The following THG1L variants were observed in gnomAD, a reference collection of about 807,000 sequenced individuals.
The protein encoded by THG1L is tRNA-histidine guanylyltransferase 1 like.
A neutral mutation model predicts 35.2 loss-of-function variants in THG1L; 27 were observed. The observed-to-expected ratio is 0.77, with a 90% CI of 0.57 to 1.06. The LOEUF (loss-of-function observed/expected upper bound fraction) is 1.06. Among genes scored for constraint, THG1L ranks in the 50% least tolerant of loss-of-function variants. The probability of loss-of-function intolerance (pLI) is 0.00; values close to 1 mark genes in which losing one functional copy is unlikely to be tolerated. For missense variants in THG1L, 377 were observed against 371.8 expected (o/e 1.01, Z -0.12); for synonymous variants, 135 against 132.4 (o/e 1.02, Z -0.14).
rs1365798942 is a variant in THG1L, at chr5:157,732,234, AAAAAAAAAAAGAGAG to A, written c.191+605_192-618del. Among the ~76,000 whole-genome samples the A allele has an allele frequency of 3.4e-5, 4 of 118,176 alleles. No homozygotes were observed. In the South Asian group the frequency reaches 7.5e-4, roughly 22 times the overall value. 77.5% of individuals were successfully genotyped at this position (118,176 alleles called of 152,430 possible). On this transcript the variant is annotated intron_variant, in intron 1 of 5. Transcript: ENST00000231198. The stretch of plus-strand genomic sequence containing the variant: ...CCACTACAAAAAAAAAAAAAAAAAA[AAAAAAAAAAAGAGAG>A]AGAGAGAGAGAAAGAAGGAAGAGAG...
At position 157,732,983 on chromosome 5, in the gene THG1L, C is replaced by T. The variant is rs1183485950; in HGVS notation, c.307C>T (p.Gln103Ter). Residue 103 changes from glutamine (Q) to a stop codon, truncating the protein, a stop_gained, in exon 2 of 6, where the codon CAG (glutamine) becomes TAG (stop). Coordinates refer to ENST00000231198, the MANE Select transcript of THG1L (RefSeq NM_017872.5). LOFTEE classifies it high-confidence loss of function. ...AGAGGATATTGTGATCGCGTATGGA[C>T]AGAGTGATGAGTACAGCTTTGTGTT... The part of the protein sequence containing the change: ...ELEDIVIAYG[Q>*]SDEYSFVFKR... 2 of 1,614,176 alleles carry T rather than the reference C, an allele frequency of 1.2e-6. No homozygotes were observed. Among genetic ancestry groups the T allele is most frequent in the Non-Finnish European group, 1.7e-6 (2 of 1,180,040 alleles).
rs575617808 is a variant in THG1L at position 157,738,011 on chromosome 5, C to G, written c.735+17C>G. On this transcript the variant is annotated intron_variant, in intron 5 of 5. Coordinates refer to ENST00000231198, the MANE Select transcript of THG1L (RefSeq NM_017872.5). ...TGGCAGAAGGTAATGCTGTTATGTT[C>G]AAAGAAAAATGGAAGTCAGGAAAAA... is the stretch of plus-strand genomic sequence containing the variant. 2.5e-6 allele frequency: 4 copies of G among 1,591,026 alleles called. No individual in the cohort carries two copies. The South Asian group carries it at 4.5e-5, about 18-fold the overall frequency.
intron 1 of THG1L, among the ~76,000 whole-genome samples, chr5:157,731,909 T>G (rs1312617912): frequency 6.6e-6 from 1 of 152,196 alleles, no homozygotes; most frequent in Non-Finnish European, 1.5e-5. Flanking sequence ...AGCAAGGACC[T>G]GTTGTTAAAA....
chr5:157,733,697 G>T (rs1474612706), intron 2 of THG1L, among the ~76,000 whole-genome samples: 1 of 152,084 alleles, frequency 6.6e-6, no homozygotes, highest in Non-Finnish European at 1.5e-5. Flanking sequence ...AACAGATCAG[G>T]CGTGGTGGCT....
At chr5:157,737,378 G>A (rs975986845) in intron 4 of THG1L, among the ~76,000 whole-genome samples, 1 of 152,174 alleles carries the variant, frequency 6.6e-6, no homozygotes, top group Admixed American at 6.5e-5. Context: ...AGCGACTCAG[G>A]AGGCTGAGGC....
In THG1L at chr5:157,734,643, G is replaced by C. The variant is rs78234336; in HGVS notation, c.436G>C (p.Glu146Gln). Residue 146 changes from glutamate to glutamine, a missense_variant, in exon 3 of 6, where the codon GAG becomes CAG. Coordinates refer to ENST00000231198, the MANE Select transcript of THG1L (RefSeq NM_017872.5). ...SYVFYWRDYF[E>Q]DQPLLYPPGF... ...TGTGTTTTATTGGCGGGATTACTTTGAGGACCAGCCCCTTCTGTATCCCCC... is the reference window on the plus strand; with the variant it reads ...TGTGTTTTATTGGCGGGATTACTTTCAGGACCAGCCCCTTCTGTATCCCCC... 4.3e-6 allele frequency: 7 copies of C among 1,612,092 alleles called. No individual in the cohort carries two copies. Among genetic ancestry groups the C allele is most frequent in the Non-Finnish European group, 5.9e-6 (7 of 1,179,606 alleles).
intron 1 of THG1L, 146 bp downstream of exon 1, chr5:157,731,777 C>A: frequency 2.8e-6 from 3 of 1,053,796 alleles, no homozygotes; most frequent in East Asian, 2.6e-5. Flanking sequence ...AGCATTGCCC[C>A]GCCCTGCGTG....
At chr5:157,734,838 G>A in intron 3 of THG1L, 93 bp downstream of exon 3, 2 of 1,405,500 alleles carry the variant, frequency 1.4e-6, no homozygotes, top group Non-Finnish European at 2.0e-6. Context: ...CATATACTTT[G>A]TTTCAACATA....
At chr5:157,738,724 G>T in intron 5 of THG1L, 1 of 374,016 alleles carries the variant, frequency 2.7e-6, no homozygotes. Context: ...ACTTCTTAAT[G>T]CAGGTGGAAG....
rs576582849 is a variant in THG1L, at chr5:157,739,727, A to T, written c.*245A>T. 5.6e-6 allele frequency: 2 copies of T among 354,160 alleles called. No individual in the cohort carries two copies. The highest frequency in any genetic ancestry group is 4.7e-5 in the Admixed American group (1 of 21,430). 21.9% of individuals were successfully genotyped at this position (354,160 alleles called of 1,614,324 possible). A position where few individuals can be genotyped will look rare whatever the true frequency, so the allele number is the denominator to read the frequency against. Reference sequence around the variant, plus strand: ...CCTTTGGCAGAAGTGCTTTTTTTTTAATCGCAGTACTATTTTTATAAAGCA... The same window carrying T: ...CCTTTGGCAGAAGTGCTTTTTTTTTTATCGCAGTACTATTTTTATAAAGCA... On this transcript the variant is annotated 3_prime_UTR_variant, in exon 6 of 6. Transcript: ENST00000231198.
chr5:157,732,882 A>G lies in THG1L; in HGVS notation c.206A>G (p.His69Arg). The G allele has an allele frequency of 2.5e-6, 4 of 1,614,220 alleles. No homozygotes were observed. Among genetic ancestry groups the G allele is most frequent in the Non-Finnish European group, 3.4e-6 (4 of 1,180,036 alleles). Residue 69 changes from histidine (H) to arginine (R), a missense_variant, in exon 2 of 6, where the codon CAC becomes CGC. By Grantham distance (29) the His-to-Arg change is conservative. Transcript: ENST00000231198. Reference sequence around the variant, plus strand: ...CCCCTGTGAAGGTTTGCTGAGAAGCACAACTTTGCAAAACCCAATGACAGC... The same window carrying G: ...CCCCTGTGAAGGTTTGCTGAGAAGCGCAACTTTGCAAAACCCAATGACAGC... ...GRNFHRFAEKHNFAKPNDSRA... is the reference protein window; with the variant it reads ...GRNFHRFAEKRNFAKPNDSRA...
At chr5:157,734,862 A>C in intron 3 of THG1L, 117 bp downstream of exon 3, 1 of 1,085,914 alleles carries the variant, frequency 9.2e-7, no homozygotes, top group South Asian at 2.1e-5. Flanking sequence ...GTTGTACAGA[A>C]TGCAGTATTT....
At position 157,731,586 on chromosome 5, in the gene THG1L, C is replaced by G; in HGVS notation, c.146C>G (p.Ala49Gly). 11 of 1,610,864 alleles carry G rather than the reference C, an allele frequency of 6.8e-6. No individual in the cohort carries two copies. Among genetic ancestry groups the G allele is most frequent in the South Asian group, 1.1e-5 (1 of 90,342 alleles). Residue 49 changes from alanine (A) to glycine (G), a missense_variant, in exon 1 of 6, where the codon GCA becomes GGA. By Grantham distance (60) the Ala-to-Gly change is moderately conservative. Transcript: ENST00000231198. ...RDFEADDTCL[A>G]HCWVVVRLDG... Reference sequence around the variant, plus strand: ...TTCGAGGCTGACGACACCTGCCTGGCACACTGCTGGGTGGTAGTGCGGCTG... The same window carrying G: ...TTCGAGGCTGACGACACCTGCCTGGGACACTGCTGGGTGGTAGTGCGGCTG...
rs112609310 is a variant in THG1L, at chr5:157,735,720, A to C, written c.539-126A>C. 66 of 650,598 alleles carry C rather than the reference A, an allele frequency of 1.0e-4. No homozygotes were observed. In the African/African-American group the frequency reaches 1.1e-3, roughly 11 times the overall value. 40.3% of individuals were successfully genotyped at this position (650,598 alleles called of 1,614,324 possible). Reference sequence around the variant, plus strand: ...CCGTGTGTAGGACTTCGGTCAAGTCACTGAATGTCTCTGAGATCTCTTTAC... The same window carrying C: ...CCGTGTGTAGGACTTCGGTCAAGTCCCTGAATGTCTCTGAGATCTCTTTAC... On this transcript the variant is annotated intron_variant, in intron 3 of 5. Transcript: ENST00000231198.
chr5:157,736,311 G>A (rs1385485701), intron 4 of THG1L, among the ~76,000 whole-genome samples: 2 of 150,926 alleles, frequency 1.3e-5, no homozygotes, highest in Non-Finnish European at 2.9e-5. Flanking sequence ...GTACAGTGGT[G>A]TGATCTCAGC....
rs1760829529 is a variant in THG1L at position 157,734,809 on chromosome 5, C to T, written c.538+64C>T. The T allele has an allele frequency of 5.0e-6, 8 of 1,585,186 alleles. No individual in the cohort carries two copies. In the Admixed American group the frequency reaches 8.5e-5, roughly 17 times the overall value. On this transcript the variant is annotated intron_variant, in intron 3 of 5. Transcript: ENST00000231198. Reference sequence around the variant, plus strand: ...AATTCCATGTCTTACAGGTGTTGATCTGATACAGGATTGGCTCACATATAC... The same window carrying T: ...AATTCCATGTCTTACAGGTGTTGATTTGATACAGGATTGGCTCACATATAC...
chr5:157,731,422 T>C lies in THG1L; in HGVS notation c.-19T>C, dbSNP rs768675973. 4 of 1,572,138 alleles carry C rather than the reference T, an allele frequency of 2.5e-6. No homozygotes were observed. The highest frequency in any genetic ancestry group is 1.2e-5 in the South Asian group (1 of 82,298). ...CTTCCGGGGCGGGGCTATCTGGCCC[T>C]TTCCTTTCCGCGTGTAGAATGTGGG... On this transcript the variant is annotated 5_prime_UTR_variant, in exon 1 of 6. Transcript: ENST00000231198.
At position 157,741,098 on chromosome 5, in the gene THG1L, CAGA is replaced by C. The variant is rs1457559393; in HGVS notation, c.*1619_*1621del. On this transcript the variant is annotated 3_prime_UTR_variant, in exon 6 of 6. Transcript: ENST00000231198. ...GCGTGTGCCTGCAATACCAGCTACT[CAGA>C]AGGCTGAAGCAGGATAATTGCTTGA... The C allele has an allele frequency of 6.6e-6, 1 of 151,778 alleles. No individual in the cohort carries two copies. The highest frequency in any genetic ancestry group is 1.5e-5 in the Non-Finnish European group (1 of 68,042). 9.4% of individuals were successfully genotyped at this position (151,778 alleles called of 1,614,324 possible).
At position 157,739,983 on chromosome 5, in the gene THG1L, C is replaced by G. The variant is rs1339929162; in HGVS notation, c.*501C>G. ...ATGGGTTAATGCCTGCATGATGCCTCTGAATTCAGGAATTGCAGGGAAAAC... is the reference window on the plus strand; with the variant it reads ...ATGGGTTAATGCCTGCATGATGCCTGTGAATTCAGGAATTGCAGGGAAAAC... On this transcript the variant is annotated 3_prime_UTR_variant, in exon 6 of 6. Coordinates refer to ENST00000231198, the MANE Select transcript of THG1L (RefSeq NM_017872.5). 6.6e-6 allele frequency: 1 copy of G among 152,218 alleles called. No homozygotes were observed. The highest frequency in any genetic ancestry group is 2.4e-5 in the African/African-American group (1 of 41,428). 9.4% of individuals were successfully genotyped at this position (152,218 alleles called of 1,614,324 possible). A position where few individuals can be genotyped will look rare whatever the true frequency, so the allele number is the denominator to read the frequency against.
Sources: gnomAD v4.1 joint callset for allele counts (sites outside exome capture counted in the v4.1 genomes callset) on GRCh38, gnomAD v4.1.1 for gene constraint, MANE v1.5 for transcripts, NCBI Gene and HGNC (gene_info 2026-07-23, HGNC 2026-07-21) for gene names.